The following UBE2Q2 variants were observed in gnomAD, a reference collection of about 807,000 sequenced individuals.
UBE2Q2 encodes ubiquitin-conjugating enzyme E2 Q2.
Under a neutral mutation model 59.9 loss-of-function variants are expected in UBE2Q2, and 54 were observed. That is an observed-to-expected ratio of 0.90 (90% CI 0.72 to 1.13). The LOEUF (loss-of-function observed/expected upper bound fraction) is 1.13. UBE2Q2 is among the 50% of genes most tolerant of loss of function. The pLI is 0.00. For missense variants in UBE2Q2, 433 were observed against 441.9 expected, an observed-to-expected ratio of 0.98 and a Z score of 0.18; for synonymous variants, 165 against 155.2, an observed-to-expected ratio of 1.06 and a Z score of -0.47.
At chr15:75,863,006 C>G (rs1164039958) in intron 3 of UBE2Q2, among the ~76,000 whole-genome samples, 1 of 152,022 alleles carries the variant, frequency 6.6e-6, no homozygotes, top group African/African-American at 2.4e-5. Context: ...AATCTGTGTT[C>G]TTTTGCCTGA....
Position 75,899,516 on chromosome 15 carries a change from T to G in UBE2Q2, c.*58T>G. 1 of 1,458,632 alleles carries G rather than the reference T, an allele frequency of 6.9e-7. No individual in the cohort carries two copies. The highest frequency in any genetic ancestry group is 9.4e-7 in the Non-Finnish European group (1 of 1,063,244). 90.4% of individuals were successfully genotyped at this position (1,458,632 alleles called of 1,614,324 possible). ...TGCTTTAAAGAAAATCTTTCTAACA[T>G]GCAGACAAAAGCTTTGAGTGCCCCT... On this transcript the variant is annotated 3_prime_UTR_variant, in exon 13 of 13. Coordinates refer to ENST00000267938, the MANE Select transcript of UBE2Q2 (RefSeq NM_173469.4).
At position 75,868,945 on chromosome 15, in the gene UBE2Q2, T is replaced by C; in HGVS notation, c.388-6T>C. 6.2e-7 allele frequency: 1 copy of C among 1,612,702 alleles called. No homozygotes were observed. The highest frequency in any genetic ancestry group is 8.5e-7 in the Non-Finnish European group (1 of 1,179,032). On this transcript the variant is annotated splice_region_variant and splice_polypyrimidine_tract_variant and intron_variant, in intron 3 of 12. Coordinates refer to ENST00000267938, the MANE Select transcript of UBE2Q2 (RefSeq NM_173469.4). ...ATAGCCCTGGCAGATTCTTTCTCTG[T>C]TTCAGAATGGGACAACAGAAGAAGT...
At position 75,877,975 on chromosome 15, in the gene UBE2Q2, G is replaced by T. The variant is rs759280934; in HGVS notation, c.688G>T (p.Glu230Ter). ...QSYKTGIYSVELINDSLYDWH... is the reference protein window; with the variant it reads ...QSYKTGIYSV ...TATCTTAACAGGGATTTATTCAGTG[G>T]AACTCATAAATGACAGTTTATATGA... The change falls in exon 7 of 13, where the codon GAA becomes TAA. Residue 230 changes from glutamate to a stop codon, truncating the protein, a stop_gained. Transcript: ENST00000267938. LOFTEE classifies it high-confidence loss of function. The T allele has an allele frequency of 4.3e-6, 7 of 1,613,382 alleles. No homozygotes were observed.
At chr15:75,878,301 T>A (rs1294379520) in intron 7 of UBE2Q2, 1 of 377,812 alleles carries the variant, frequency 2.6e-6, no homozygotes, top group Admixed American at 4.4e-5. Flanking sequence ...TTTAATAACT[T>A]CATGAGACTG....
intron 6 of UBE2Q2, among the ~76,000 whole-genome samples, chr15:75,877,073 A>G (rs1025823161): frequency 6.7e-6 from 1 of 148,372 alleles, no homozygotes; most frequent in Non-Finnish European, 1.5e-5. Flanking sequence ...AGGCAGGAGA[A>G]TCACCTGAAC....
At chr15:75,879,009 A>G in intron 7 of UBE2Q2, 89 bp from the exon 8 acceptor site, 2 of 888,452 alleles carry the variant, frequency 2.3e-6, no homozygotes, top group Non-Finnish European at 3.4e-6. Context: ...GCTCTATTTT[A>G]GCTGTCATAC....
chr15:75,848,419 T>C (rs1295791164), intron 1 of UBE2Q2, among the ~76,000 whole-genome samples: 9 of 152,232 alleles, frequency 5.9e-5, no homozygotes, highest in Admixed American at 4.6e-4. Flanking sequence ...CCTTTCCAAA[T>C]TGAATTCATG....
At chr15:75,885,292 G>A (rs1333731672) in intron 9 of UBE2Q2, among the ~76,000 whole-genome samples, 4 of 151,868 alleles carry the variant, frequency 2.6e-5, no homozygotes, top group African/African-American at 9.7e-5. Context: ...TAATTTTTGT[G>A]TTTTTAGTGG....
intron 1 of UBE2Q2, 111 bp downstream of exon 1, chr15:75,843,957 G>T: frequency 7.1e-7 from 1 of 1,412,396 alleles, no homozygotes; most frequent in Non-Finnish European, 9.2e-7. Flanking sequence ...TCCCCGGGCG[G>T]GGCAGGCCCG....
chr15:75,887,965 T>C (rs1666876189), intron 9 of UBE2Q2, among the ~76,000 whole-genome samples: 1 of 152,250 alleles, frequency 6.6e-6, no homozygotes, highest in African/African-American at 2.4e-5. Context: ...AGCTTAAGCA[T>C]TGTGTGATTC....
chr15:75,877,669 GAAGAAA>G (rs1218618831), intron 6 of UBE2Q2, among the ~76,000 whole-genome samples: 11 of 152,276 alleles, frequency 7.2e-5, no homozygotes, highest in Non-Finnish European at 1.5e-4. Flanking sequence ...TGTGTTCATG[GAAGAAA>G]AGTCTTAAGT....
chr15:75,876,759 C>T (rs1320207302), intron 6 of UBE2Q2, among the ~76,000 whole-genome samples: 4 of 152,102 alleles, frequency 2.6e-5, no homozygotes, highest in Non-Finnish European at 5.9e-5. Flanking sequence ...TATTCTTACT[C>T]AATATGACTT....
At chr15:75,880,100 AG>A (rs1898319130) in intron 8 of UBE2Q2, among the ~76,000 whole-genome samples, 1 of 151,592 alleles carries the variant, frequency 6.6e-6, no homozygotes, top group Admixed American at 6.6e-5. Flanking sequence ...ATATTTAATA[AG>A]GTTTTTTTTT....
At chr15:75,846,012 TATC>T (rs1224678755) in intron 1 of UBE2Q2, among the ~76,000 whole-genome samples, 1 of 152,208 alleles carries the variant, frequency 6.6e-6, no homozygotes, top group Non-Finnish European at 1.5e-5. Flanking sequence ...AGGAGATAAT[TATC>T]ATGGCAGCTG....
chr15:75,875,399 G>A (rs1567032108), intron 5 of UBE2Q2, among the ~76,000 whole-genome samples: 3 of 152,228 alleles, frequency 2.0e-5, no homozygotes, highest in Admixed American at 1.3e-4. Flanking sequence ...ATATTGATGT[G>A]TTTTCATCTT....
intron 11 of UBE2Q2, among the ~76,000 whole-genome samples, chr15:75,892,776 T>G (rs1310927995): frequency 6.6e-6 from 1 of 152,074 alleles, no homozygotes; most frequent in Non-Finnish European, 1.5e-5. Flanking sequence ...CTCAGGAGGC[T>G]GAGGTGGGAA....
intron 1 of UBE2Q2, 78 bp from the exon 2 acceptor site, chr15:75,854,308 C>T (rs565260431): frequency 3.4e-5 from 36 of 1,060,720 alleles, no homozygotes; most frequent in African/African-American, 4.9e-5. Context: ...GTCATCTTGC[C>T]GTTTAGTGGT....
intron 8 of UBE2Q2, 77 bp from the exon 9 acceptor site, chr15:75,883,289 A>G: frequency 7.7e-7 from 1 of 1,304,398 alleles, no homozygotes; most frequent in Non-Finnish European, 1.1e-6. Context: ...TCTTTATAGT[A>G]TCTTTTAAAA....
intron 3 of UBE2Q2, among the ~76,000 whole-genome samples, chr15:75,866,546 CTT>C (rs1469234111): frequency 1.3e-5 from 2 of 152,114 alleles, no homozygotes; most frequent in Non-Finnish European, 2.9e-5. Context: ...GCACTTGTCT[CTT>C]TTGTTTCTTT....
Sources: gnomAD v4.1 joint callset for allele counts (sites outside exome capture counted in the v4.1 genomes callset) on GRCh38, gnomAD v4.1.1 for gene constraint, MANE v1.5 for transcripts, NCBI Gene and HGNC (gene_info 2026-07-23, HGNC 2026-07-21) for gene names.